The following ZNF322 variants were observed in gnomAD, a reference collection of about 807,000 sequenced individuals.
ZNF322 encodes zinc finger protein 322, also known as HLA complex group 12.
Under a neutral mutation model 18.3 loss-of-function variants are expected in ZNF322, and 1 was observed. The ratio of observed to expected loss-of-function variants is 0.05; its 90% CI spans 0.02 to 0.26. The LOEUF (loss-of-function observed/expected upper bound fraction) is 0.26, where lower values mean the gene tolerates loss of function less well. ZNF322 is among the 10% of genes least tolerant of loss of function. ZNF322 has a pLI of 1.00. For missense variants in ZNF322, 36 were observed against 403.6 expected (o/e 0.09, Z 7.80); for synonymous variants, 17 against 130.7 (o/e 0.13, Z 5.93).
intron 2 of ZNF322, among the ~76,000 whole-genome samples, chr6:26,655,335 G>A (rs1430484396): frequency 2.6e-5 from 4 of 152,178 alleles, no homozygotes; most frequent in Non-Finnish European, 4.4e-5. Context: ...TAATGGTAAT[G>A]ATAATTTCTA....
chr6:26,649,623 A>G (rs1452695901), intron 2 of ZNF322, among the ~76,000 whole-genome samples: 3 of 133,700 alleles, frequency 2.2e-5, no homozygotes, highest in Admixed American at 7.8e-5. Context: ...GTTTTCTTTT[A>G]TATATACATA....
At chr6:26,649,673 G>GTATA (rs1335031266) in intron 2 of ZNF322, among the ~76,000 whole-genome samples, 3 of 29,374 alleles carry the variant, frequency 1.0e-4, no homozygotes, top group African/African-American at 1.6e-4. Flanking sequence ...GTGTGTGTGT[G>GTATA]TGTATATATA....
intron 2 of ZNF322, among the ~76,000 whole-genome samples, chr6:26,657,265 A>G (rs1206406589): frequency 6.6e-6 from 1 of 151,984 alleles, no homozygotes; most frequent in Non-Finnish European, 1.5e-5. Context: ...AAAAAAAAAA[A>G]TCACGACACT....
At chr6:26,644,830 A>T (rs2113663303) in intron 2 of ZNF322, among the ~76,000 whole-genome samples, 1 of 152,266 alleles carries the variant, frequency 6.6e-6, no homozygotes, top group Non-Finnish European at 1.5e-5. Flanking sequence ...TTTAAGTTCC[A>T]GGGTACCTGT....
chr6:26,645,624 T>C (rs1765543759), intron 2 of ZNF322, among the ~76,000 whole-genome samples: 1 of 152,062 alleles, frequency 6.6e-6, no homozygotes, highest in South Asian at 2.1e-4. Flanking sequence ...TAAAAAACCA[T>C]CTGAAGCTGA....
In ZNF322 at chr6:26,634,480, G is replaced by A. The variant is rs1353866224; in HGVS notation, c.*2865C>T. ...AACTGAATACAAGTTGTCTTGTTTG[G>A]TCTGAAATCTTGAAAAAGTTAATCT... On this transcript the variant is annotated 3_prime_UTR_variant, in exon 4 of 4. Transcript: ENST00000415922. 1.0e-4 allele frequency: 15 copies of A among 148,730 alleles called. No homozygotes were observed. The highest frequency in any genetic ancestry group is 1.8e-4 in the Non-Finnish European group (12 of 67,378). The allele number at this position is 148,730 out of a possible 1,614,324, so 9.2% of individuals were successfully genotyped here.
At chr6:26,643,333 A>G (rs1488672479) in intron 3 of ZNF322, among the ~76,000 whole-genome samples, 2 of 152,198 alleles carry the variant, frequency 1.3e-5, no homozygotes, top group African/African-American at 4.8e-5. Context: ...AGCATTCACT[A>G]TTCCCCTTTT....
At chr6:26,638,790 T>A in intron 3 of ZNF322, 62 bp from the exon 4 acceptor site, 1 of 611,250 alleles carries the variant, frequency 1.6e-6, no homozygotes, top group Non-Finnish European at 2.5e-6. Context: ...TTCTCAAAAT[T>A]AAAATCACTG....
chr6:26,648,580 A>C (rs562937528), intron 2 of ZNF322, among the ~76,000 whole-genome samples: 30 of 152,220 alleles, frequency 2.0e-4, no homozygotes, highest in Admixed American at 1.6e-3. Context: ...TGATAAAGGA[A>C]TTCAGTATGG....
chr6:26,648,148 ACTAT>A (rs1169340805), intron 2 of ZNF322, among the ~76,000 whole-genome samples: 3 of 152,184 alleles, frequency 2.0e-5, no homozygotes, highest in Non-Finnish European at 2.9e-5. Context: ...TCAAAATTAG[ACTAT>A]CTTTCAATAT....
intron 3 of ZNF322, among the ~76,000 whole-genome samples, chr6:26,642,277 C>T (rs781995777): frequency 6.6e-6 from 1 of 152,202 alleles, no homozygotes; most frequent in Non-Finnish European, 1.5e-5. Flanking sequence ...TCCCCCTCAC[C>T]AAGATAGTGA....
intron 3 of ZNF322, among the ~76,000 whole-genome samples, chr6:26,640,448 A>G (rs1254002892): frequency 2.0e-5 from 3 of 152,112 alleles, no homozygotes; most frequent in Non-Finnish European, 2.9e-5. Context: ...TTTATCCTTG[A>G]TATCTCTTCC....
chr6:26,653,941 A>G (rs1765717791), intron 2 of ZNF322, among the ~76,000 whole-genome samples: 2 of 152,204 alleles, frequency 1.3e-5, no homozygotes, highest in Admixed American at 1.3e-4. Flanking sequence ...TTTCAAATAA[A>G]TAACAACTAC....
At chr6:26,654,653 A>G (rs1358316580) in intron 2 of ZNF322, among the ~76,000 whole-genome samples, 1 of 152,198 alleles carries the variant, frequency 6.6e-6, no homozygotes, top group African/African-American at 2.4e-5. Flanking sequence ...TCATTAAAAA[A>G]AAGTGTATAG....
At chr6:26,649,013 A>G (rs1048608344) in intron 2 of ZNF322, among the ~76,000 whole-genome samples, 1 of 152,262 alleles carries the variant, frequency 6.6e-6, no homozygotes. Flanking sequence ...TTATTCATTA[A>G]TGTATTGAAA....
At chr6:26,645,746 G>A (rs1474109644) in intron 2 of ZNF322, among the ~76,000 whole-genome samples, 1 of 152,026 alleles carries the variant, frequency 6.6e-6, no homozygotes, top group Non-Finnish European at 1.5e-5. Context: ...AAAGATCTAA[G>A]TATGGTCAGG....
intron 2 of ZNF322, chr6:26,650,351 A>G (rs1484821014): frequency 6.6e-6 from 1 of 152,212 alleles, no homozygotes; most frequent in African/African-American, 2.4e-5. Flanking sequence ...TTAATGGTGA[A>G]AACTTAGAAG....
chr6:26,657,236 C>T (rs1430161053), intron 2 of ZNF322, among the ~76,000 whole-genome samples: 3 of 149,720 alleles, frequency 2.0e-5, no homozygotes, highest in East Asian at 2.0e-4. Context: ...GATGACAGAG[C>T]GAAGACTCCA....
At position 26,643,340 on chromosome 6, in the gene ZNF322, T is replaced by C. The variant is rs1264815253; in HGVS notation, c.-176+319A>G. On this transcript the variant is annotated intron_variant, in intron 3 of 3. Transcript: ENST00000415922. ...CATGCCCCAGCATTCACTATTCCCC[T>C]TTTCTGCTTTACTTTTCTTCATGGC... Among the ~76,000 whole-genome samples the C allele has an allele frequency of 2.0e-5, 3 of 152,336 alleles. No individual in the cohort carries two copies. In the East Asian group the frequency reaches 5.8e-4, roughly 29 times the overall value.
Sources: allele counts gnomAD v4.1 joint callset (sites outside exome capture counted in the v4.1 genomes callset), GRCh38; gene constraint gnomAD v4.1.1; transcripts MANE v1.5; gene names NCBI Gene and HGNC (gene_info 2026-07-23, HGNC 2026-07-21).